PRKAA2: variants seen among roughly 807,000 people sequenced by gnomAD.
The protein encoded by PRKAA2 is 5'-AMP-activated protein kinase catalytic subunit alpha-2.
PRKAA2 carries 40 observed loss-of-function variants against 56.3 expected under a neutral mutation model. The ratio of observed to expected loss-of-function variants is 0.71; its 90% confidence interval spans 0.55 to 0.92. The LOEUF is 0.92. Among genes scored for constraint, PRKAA2 ranks in the 40% least tolerant of loss-of-function variants. PRKAA2 has a pLI of 0.00. For missense variants in PRKAA2, 542 were observed against 686.9 expected (o/e 0.79, Z 2.36); for synonymous variants, 214 against 234.2 (o/e 0.91, Z 0.79).
chr1:56,667,207 A>G (rs2100396925), intron 1 of PRKAA2, among the ~76,000 whole-genome samples: 1 of 152,270 alleles, frequency 6.6e-6, no homozygotes, highest in South Asian at 2.1e-4. Flanking sequence ...ATCAGAGCCA[A>G]AACTTATCTA....
At chr1:56,651,060 G>A (rs1643892589) in intron 1 of PRKAA2, among the ~76,000 whole-genome samples, 2 of 152,116 alleles carry the variant, frequency 1.3e-5, no homozygotes, top group Non-Finnish European at 2.9e-5. Context: ...TGGAAGCCCT[G>A]AACAATTTAA....
chr1:56,685,254 A>G (rs1429821414), intron 2 of PRKAA2, among the ~76,000 whole-genome samples: 2 of 152,226 alleles, frequency 1.3e-5, no homozygotes, highest in Non-Finnish European at 1.5e-5. Context: ...TTATCTATAA[A>G]GATATCACTT....
chr1:56,679,808 A>G (rs1243759622), intron 2 of PRKAA2, among the ~76,000 whole-genome samples: 3 of 152,162 alleles, frequency 2.0e-5, no homozygotes, highest in Middle Eastern at 3.4e-3. Context: ...CACCTTTGCT[A>G]TCCTGAGACA....
At chr1:56,695,493 A>C (rs1644253506) in intron 5 of PRKAA2, among the ~76,000 whole-genome samples, 1 of 151,964 alleles carries the variant, frequency 6.6e-6, no homozygotes, top group Admixed American at 6.6e-5. Flanking sequence ...GACCAGCCTT[A>C]ATATTCTTTA....
chr1:56,703,094 G>A (rs2100436027), intron 6 of PRKAA2, among the ~76,000 whole-genome samples: 1 of 152,286 alleles, frequency 6.6e-6, no homozygotes, highest in African/African-American at 2.4e-5. Flanking sequence ...AGATGAAAAT[G>A]GTTTGGTATT....
At position 56,707,904 on chromosome 1, in the gene PRKAA2, A is replaced by G. The variant is rs1197326870; in HGVS notation, c.*191A>G. 1.6e-6 allele frequency: 1 copy of G among 616,396 alleles called. No homozygotes were observed. Among genetic ancestry groups the G allele is most frequent in the Admixed American group, 3.1e-5 (1 of 32,702 alleles). 38.2% of individuals were successfully genotyped at this position (616,396 alleles called of 1,614,324 possible). On this transcript the variant is annotated 3_prime_UTR_variant, in exon 9 of 9. Coordinates refer to ENST00000371244, the MANE Select transcript of PRKAA2 (RefSeq NM_006252.4). ...TCTTATTTACTTGTAGAAATCTGTA[A>G]TTCTATTGTGCCTATGATAAATTCA... is the stretch of plus-strand genomic sequence containing the variant.
intron 3 of PRKAA2, 90 bp downstream of exon 3, chr1:56,691,577 G>A: frequency 9.7e-7 from 1 of 1,032,418 alleles, no homozygotes; most frequent in Non-Finnish European, 1.4e-6. Flanking sequence ...TATCTTCAAG[G>A]TTGAAGTTGC....
intron 7 of PRKAA2, 60 bp downstream of exon 7, chr1:56,704,535 G>A (rs1644318777): frequency 6.6e-7 from 1 of 1,511,540 alleles, no homozygotes; most frequent in African/African-American, 1.4e-5. Context: ...ATTATAAGCT[G>A]CTCTGAGCTC....
chr1:56,659,304 C>T (rs76259452), intron 1 of PRKAA2, among the ~76,000 whole-genome samples: 2 of 151,020 alleles, frequency 1.3e-5, no homozygotes, highest in Non-Finnish European at 2.9e-5. Context: ...CAAAACCAGC[C>T]GGCCAAGATG....
At chr1:56,686,599 C>G (rs1206961706) in intron 2 of PRKAA2, among the ~76,000 whole-genome samples, 2 of 152,090 alleles carry the variant, frequency 1.3e-5, no homozygotes, top group African/African-American at 4.8e-5. Context: ...GCCAGGGTGT[C>G]ACATGGTGAG....
chr1:56,657,282 G>C (rs978870622), intron 1 of PRKAA2, among the ~76,000 whole-genome samples: 1 of 152,006 alleles, frequency 6.6e-6, no homozygotes, highest in African/African-American at 2.4e-5. Flanking sequence ...CTAAAACAGT[G>C]AAAACAAGGA....
At chr1:56,677,527 G>A (rs2100408391) in intron 2 of PRKAA2, among the ~76,000 whole-genome samples, 1 of 152,258 alleles carries the variant, frequency 6.6e-6, no homozygotes, top group East Asian at 1.9e-4. Context: ...AAGACTTTGA[G>A]GAAATTTTAC....
chr1:56,694,214 G>A (rs1001432412), intron 5 of PRKAA2, among the ~76,000 whole-genome samples: 1 of 152,060 alleles, frequency 6.6e-6, no homozygotes, highest in African/African-American at 2.4e-5. Context: ...ATTTTCCAAA[G>A]TATATAGAGC....
At chr1:56,667,203 G>A (rs992191638) in intron 1 of PRKAA2, among the ~76,000 whole-genome samples, 2 of 152,186 alleles carry the variant, frequency 1.3e-5, no homozygotes, top group African/African-American at 4.8e-5. Flanking sequence ...TTCCATCAGA[G>A]CCAAAACTTA....
At position 56,649,427 on chromosome 1, in the gene PRKAA2, A is replaced by G. The variant is rs538132210; in HGVS notation, c.94+3946A>G. 1.6e-4 allele frequency among the ~76,000 whole-genome samples: 24 copies of G among 152,330 alleles called. No homozygotes were observed. In the South Asian group the frequency reaches 4.1e-3, roughly 26 times the overall value. ...CCAGGTGTGGTGGTCCATGCCTGTA[A>G]TCCTAGCACTTTGGGTGACCAAGGC... On this transcript the variant is annotated intron_variant, in intron 1 of 8. Transcript: ENST00000371244.
intron 1 of PRKAA2, among the ~76,000 whole-genome samples, chr1:56,663,254 T>C (rs1644009092): frequency 6.6e-6 from 1 of 152,128 alleles, no homozygotes; most frequent in African/African-American, 2.4e-5. Context: ...CTTGGGTCAT[T>C]TTAAACAATA....
At chr1:56,649,597 A>C (rs1051124161) in intron 1 of PRKAA2, among the ~76,000 whole-genome samples, 1 of 152,206 alleles carries the variant, frequency 6.6e-6, no homozygotes, top group African/African-American at 2.4e-5. Context: ...GAAATGGAGA[A>C]GTAAGGAACA....
intron 6 of PRKAA2, among the ~76,000 whole-genome samples, chr1:56,702,160 C>T (rs1184137561): frequency 3.3e-5 from 5 of 151,814 alleles, no homozygotes; most frequent in East Asian, 2.0e-4. Flanking sequence ...CTCGGCTCAC[C>T]GCAACCTCCG....
intron 2 of PRKAA2, among the ~76,000 whole-genome samples, chr1:56,689,789 T>A (rs1644214796): frequency 1.3e-5 from 2 of 151,794 alleles, no homozygotes; most frequent in Admixed American, 1.3e-4. Context: ...TGTATAGGGG[T>A]GTAAGTTGTA....
Sources: gnomAD v4.1 joint callset for allele counts (sites outside exome capture counted in the v4.1 genomes callset) on GRCh38, gnomAD v4.1.1 for gene constraint, MANE v1.5 for transcripts, NCBI Gene and HGNC (gene_info 2026-07-23, HGNC 2026-07-21) for gene names.